CLASP2: variants seen among roughly 807,000 people sequenced by gnomAD.
CLASP2 encodes the protein CLIP-associating protein 2.
A neutral mutation model predicts 194.4 loss-of-function variants in CLASP2; 47 were observed. That is an observed-to-expected ratio of 0.24 (90% CI 0.19 to 0.31). The LOEUF is 0.31. CLASP2 is among the 10% of genes least tolerant of loss of function. The pLI, the probability that CLASP2 is intolerant of heterozygous loss-of-function variation, is 1.00. For missense variants in CLASP2, 1,445 were observed against 1,823.6 expected (o/e 0.79, Z 3.78); for synonymous variants, 619 against 633.5 (o/e 0.98, Z 0.34).
chr3:33,678,361 C>A (rs1425661512), intron 6 of CLASP2, among the ~76,000 whole-genome samples: 3 of 151,978 alleles, frequency 2.0e-5, no homozygotes, highest in Non-Finnish European at 4.4e-5. Flanking sequence ...GAAAAATATT[C>A]TCAAAGTAAC....
At chr3:33,522,624 T>C (rs1280774965) in intron 34 of CLASP2, among the ~76,000 whole-genome samples, 2 of 152,192 alleles carry the variant, frequency 1.3e-5, no homozygotes, top group African/African-American at 2.4e-5. Context: ...GATTTTAAAA[T>C]ACCTGTCTTA....
intron 37 of CLASP2, chr3:33,504,310 T>C (rs541241852): frequency 6.6e-6 from 1 of 152,344 alleles, no homozygotes; most frequent in Admixed American, 6.5e-5. Flanking sequence ...TTCTATGAGT[T>C]TTGTAGTTTT....
At position 33,612,015 on chromosome 3, in the gene CLASP2, T is replaced by A. The variant is rs748277996; in HGVS notation, c.1374A>T (p.Ser458=). The A allele has an allele frequency of 6.2e-7, 1 of 1,608,968 alleles. No homozygotes were observed. The highest frequency in any genetic ancestry group is 2.2e-5 in the East Asian group (1 of 44,794). ...PLITSNCTSK[S]VPVRRRSFEF... is the part of the protein sequence containing the mutation. ...ATTAAACTTACCTCCTCACGGGAAC[T>A]GATTTTGATGTGCAATTGCTTGTTA... The change falls in exon 13 of 39, where the codon TCA becomes TCT. Residue 458 remains serine, a synonymous_variant. Coordinates refer to ENST00000682230, the MANE Select transcript of CLASP2 (RefSeq NM_001365631.1).
chr3:33,556,261 T>C (rs1014161812), intron 29 of CLASP2, among the ~76,000 whole-genome samples: 2 of 152,142 alleles, frequency 1.3e-5, no homozygotes, highest in African/African-American at 4.8e-5. Context: ...AAAAAAATTT[T>C]CTAGATCTGA....
chr3:33,528,413 T>C (rs2055212781), intron 34 of CLASP2, among the ~76,000 whole-genome samples: 1 of 152,154 alleles, frequency 6.6e-6, no homozygotes, highest in African/African-American at 2.4e-5. Context: ...TCAACACTTC[T>C]ATTAAACATA....
chr3:33,523,862 T>C (rs2053812170), intron 34 of CLASP2, among the ~76,000 whole-genome samples: 3 of 152,266 alleles, frequency 2.0e-5, no homozygotes, highest in Admixed American at 6.5e-5. Context: ...TTGTATGTTA[T>C]TGAAATTAAA....
Position 33,517,118 on chromosome 3 carries a change from G to A in CLASP2, c.3844C>T (p.His1282Tyr), listed in dbSNP as rs1233635039. ...TTTCTTTCTTCTACACGCTCATTAT[G>A]GTTAGACAGCTCCTTCAACAACTCT... Reference protein sequence around the residue: ...VAELLKELSNHNERVEERKIA... With the variant: ...VAELLKELSNYNERVEERKIA... The change falls in exon 35 of 39, where the codon CAT becomes TAT. Residue 1282 changes from histidine to tyrosine, a missense_variant. His to Tyr is a moderately conservative substitution (Grantham distance 83). Coordinates refer to ENST00000682230, the MANE Select transcript of CLASP2 (RefSeq NM_001365631.1). 1 of 1,613,348 alleles carries A rather than the reference G, an allele frequency of 6.2e-7. No individual in the cohort carries two copies.
At chr3:33,562,561 TAGG>T (rs1172275541) in intron 27 of CLASP2, among the ~76,000 whole-genome samples, 3 of 152,156 alleles carry the variant, frequency 2.0e-5, no homozygotes, top group Non-Finnish European at 4.4e-5. Context: ...TACCACGGGA[TAGG>T]AGTATTTACA....
chr3:33,704,279 T>G (rs1282403666), intron 1 of CLASP2, among the ~76,000 whole-genome samples: 2 of 152,172 alleles, frequency 1.3e-5, no homozygotes, highest in African/African-American at 4.8e-5. Flanking sequence ...AGTGTATCAC[T>G]CTGGTAGGGG....
At chr3:33,683,088 T>C (rs1185101545) in intron 6 of CLASP2, 1 of 152,250 alleles carries the variant, frequency 6.6e-6, no homozygotes, top group Non-Finnish European at 1.5e-5. Flanking sequence ...GTACATACTT[T>C]TAAAGGATTT....
intron 12 of CLASP2, among the ~76,000 whole-genome samples, chr3:33,614,191 G>A (rs969306811): frequency 6.6e-6 from 1 of 152,094 alleles, no homozygotes; most frequent in African/African-American, 2.4e-5. Flanking sequence ...GTATAATAAC[G>A]TGAAAAATGA....
intron 7 of CLASP2, chr3:33,645,161 T>G: frequency 4.0e-6 from 3 of 741,012 alleles, no homozygotes; most frequent in Non-Finnish European, 7.4e-6. Context: ...ACATTTTAAC[T>G]CTAAAGGTAG....
intron 14 of CLASP2, 70 bp from the exon 15 acceptor site, chr3:33,607,531 C>G: frequency 1.0e-6 from 1 of 985,598 alleles, no homozygotes; most frequent in Non-Finnish European, 1.5e-6. Context: ...TACTTAAGGC[C>G]TATATGTTAC....
chr3:33,567,124 T>A (rs932076550), intron 26 of CLASP2, among the ~76,000 whole-genome samples: 1 of 152,210 alleles, frequency 6.6e-6, no homozygotes, highest in Non-Finnish European at 1.5e-5. Context: ...GCATAGTCCA[T>A]AGAATTTTTT....
chr3:33,576,187 C>T lies in CLASP2; in HGVS notation c.2436G>A (p.Glu812=), dbSNP rs1182288961. Residue 812 remains glutamate (E), a synonymous_variant, in exon 24 of 39, where the codon GAG becomes GAA. Transcript: ENST00000682230. ...AGAGTACCAAGGCATCTGCCACCGC[C>T]TCCTCCACATCAGAACCTGTGTTCA... ...RVLNTGSDVE[E]AVADALKKPA... 6.2e-7 allele frequency: 1 copy of T among 1,613,672 alleles called. No individual in the cohort carries two copies. The highest frequency in any genetic ancestry group is 8.5e-7 in the Non-Finnish European group (1 of 1,179,642).
intron 27 of CLASP2, chr3:33,564,057 G>A (rs2062232335): frequency 2.6e-6 from 1 of 388,722 alleles, no homozygotes; most frequent in African/African-American, 2.1e-5. Flanking sequence ...CTCACAGAGG[G>A]GCAAACTATT....
At chr3:33,543,776 T>G (rs1210317430) in intron 31 of CLASP2, among the ~76,000 whole-genome samples, 2 of 152,188 alleles carry the variant, frequency 1.3e-5, no homozygotes, top group Non-Finnish European at 2.9e-5. Flanking sequence ...TCAAATATTA[T>G]CAACATCATT....
In CLASP2 at chr3:33,717,935, T is replaced by A; in HGVS notation, c.68A>T (p.Gln23Leu). 2.6e-6 allele frequency: 4 copies of A among 1,548,670 alleles called. No homozygotes were observed. The highest frequency in any genetic ancestry group is 3.5e-6 in the Non-Finnish European group (4 of 1,147,546). Reference protein sequence around the residue: ...VQQKDVGGRLQVGQELLLYLG... With the variant: ...VQQKDVGGRLLVGQELLLYLG... ...GTAGAGCAGGAGCTCCTGGCCGACC[T>A]GCAGCCGGCCGCCGACGTCCTTCTG... Residue 23 changes from glutamine (Q) to leucine (L), a missense_variant, in exon 1 of 39, where the codon CAG (glutamine) becomes CTG (leucine). This residue lies in a region of CLASP2 where 332 missense variants were observed against 325.3 expected (regional missense o/e 1.02). Coordinates refer to ENST00000682230, the MANE Select transcript of CLASP2 (RefSeq NM_001365631.1).
intron 38 of CLASP2, among the ~76,000 whole-genome samples, chr3:33,499,188 C>T (rs1351420110): frequency 2.0e-5 from 3 of 152,072 alleles, no homozygotes; most frequent in South Asian, 4.1e-4. Flanking sequence ...TTTTTGCCCG[C>T]TTCGCTCTGC....
Sources: allele counts gnomAD v4.1 joint callset (sites outside exome capture counted in the v4.1 genomes callset), GRCh38; gene constraint gnomAD v4.1.1; regional missense constraint gnomAD v4.1.1; transcripts MANE v1.5; gene names NCBI Gene and HGNC (gene_info 2026-07-23, HGNC 2026-07-21).